Variants in SAMD12 observed in about 807,000 individuals in gnomAD.
SAMD12 encodes sterile alpha motif domain containing 12, also known as sterile alpha motif domain-containing protein 12.
In SAMD12, 9 loss-of-function variants were observed where a neutral mutation model predicts 15.0. That is an observed-to-expected ratio of 0.60 (90% confidence interval 0.36 to 1.05). SAMD12 has a LOEUF of 1.05. Ranked by LOEUF, SAMD12 falls within the 50% of genes least tolerant of loss-of-function variation. The pLI, the probability that SAMD12 is intolerant of heterozygous loss-of-function variation, is 0.01. For missense variants in SAMD12, 230 were observed against 234.2 expected (o/e 0.98, Z 0.12); for synonymous variants, 86 against 90.1 (o/e 0.96, Z 0.25).
At chr8:118,499,487 C>T (rs1353466329) in intron 2 of SAMD12, among the ~76,000 whole-genome samples, 2 of 152,232 alleles carry the variant, frequency 1.3e-5, no homozygotes, top group African/African-American at 4.8e-5. Flanking sequence ...ATGTAACCTC[C>T]TCAAGCCAAA....
chr8:118,359,370 T>G (rs536134319), intron 4 of SAMD12, among the ~76,000 whole-genome samples: 1 of 152,086 alleles, frequency 6.6e-6, no homozygotes, highest in Admixed American at 6.5e-5. Context: ...AGCAAATCAA[T>G]TTCTGTTGTT....
chr8:118,331,953 T>C (rs1256926637), intron 4 of SAMD12, among the ~76,000 whole-genome samples: 1 of 152,168 alleles, frequency 6.6e-6, no homozygotes, highest in East Asian at 1.9e-4. Context: ...ATTTTAAACA[T>C]GTATTAATAT....
chr8:118,298,361 C>A (rs1814835068), intron 4 of SAMD12, among the ~76,000 whole-genome samples: 2 of 152,092 alleles, frequency 1.3e-5, no homozygotes, highest in South Asian at 4.1e-4. Flanking sequence ...TGCATACATG[C>A]TCAGAGGCAT....
At chr8:118,445,961 AT>A (rs1159647872) in intron 2 of SAMD12, among the ~76,000 whole-genome samples, 1 of 152,180 alleles carries the variant, frequency 6.6e-6, no homozygotes, top group African/African-American at 2.4e-5. Context: ...AAAAGGCAGT[AT>A]TCTCAATGTG....
At chr8:118,181,389 G>A in the SAMD12 span, among the ~76,000 whole-genome samples, 1 of 152,088 alleles carries the variant, frequency 6.6e-6, no homozygotes, top group Admixed American at 6.5e-5. Flanking sequence ...CCTTCTGAAC[G>A]CTGCTGCCAC....
At chr8:118,179,440 A>G in the SAMD12 span, among the ~76,000 whole-genome samples, 128 of 107,334 alleles carry the variant, frequency 1.2e-3, no homozygotes, top group African/African-American at 4.3e-3. Context: ...TCCGTCTCCG[A>G]AAAAAAAAAA....
At chr8:118,367,618 G>T (rs1818867251) in intron 4 of SAMD12, among the ~76,000 whole-genome samples, 1 of 152,174 alleles carries the variant, frequency 6.6e-6, no homozygotes, top group African/African-American at 2.4e-5. Context: ...ATGCAAAGTG[G>T]TCAATGCATT....
intron 4 of SAMD12, among the ~76,000 whole-genome samples, chr8:118,335,550 C>T (rs747604278): frequency 2.0e-5 from 3 of 152,174 alleles, no homozygotes; most frequent in Non-Finnish European, 4.4e-5. Flanking sequence ...TTTTATCTTG[C>T]TATTCTGAGG....
At chr8:118,421,952 G>A (rs1045978607) in intron 3 of SAMD12, among the ~76,000 whole-genome samples, 1 of 152,170 alleles carries the variant, frequency 6.6e-6, no homozygotes, top group Non-Finnish European at 1.5e-5. Flanking sequence ...CTTTAAAAAA[G>A]TAAAATGGGG....
rs150154638 is a variant in SAMD12, at chr8:118,225,077, T to C, written c.434-27345A>G. Among the ~76,000 whole-genome samples the C allele has an allele frequency of 9.6e-3, 1,456 of 152,286 alleles. 20 individuals are homozygous for C. Among genetic ancestry groups the C allele is most frequent in the African/African-American group, 0.032 (1,341 of 41,570 alleles). On this transcript the variant is annotated intron_variant, in intron 4 of 4. Transcript: ENST00000409003. ...TGTTTATTGAAATGACCAAAAGCTT[T>C]TGTTGCATCCTCTCCTGCCCTATGC...
chr8:118,232,418 G>A (rs1383290237), intron 4 of SAMD12, among the ~76,000 whole-genome samples: 1 of 152,108 alleles, frequency 6.6e-6, no homozygotes, highest in African/African-American at 2.4e-5. Flanking sequence ...AAGAACATGG[G>A]GTATTTGAGG....
At chr8:118,184,706 A>T (rs922067376), downstream of SAMD12, among the ~76,000 whole-genome samples, 1 of 152,104 alleles carries the variant, frequency 6.6e-6, no homozygotes, top group Non-Finnish European at 1.5e-5. Context: ...CATCTTGCCC[A>T]GGCTCATCTT....
At chr8:118,350,821 T>C (rs958236304) in intron 4 of SAMD12, among the ~76,000 whole-genome samples, 4 of 152,238 alleles carry the variant, frequency 2.6e-5, no homozygotes, top group Non-Finnish European at 4.4e-5. Flanking sequence ...CTTTGGTGTA[T>C]AGACCATAGC....
At chr8:118,260,846 C>T (rs1019744545) in intron 4 of SAMD12, among the ~76,000 whole-genome samples, 2 of 152,084 alleles carry the variant, frequency 1.3e-5, no homozygotes, top group Admixed American at 6.6e-5. Context: ...AACAGCTCCC[C>T]GCTGTTATGA....
chr8:118,331,256 C>A (rs7005520), intron 4 of SAMD12, among the ~76,000 whole-genome samples: 36,659 of 151,854 alleles, frequency 0.24, 5,574 homozygotes, highest in African/African-American at 0.43. Context: ...GCAGATGCAC[C>A]AGGGGAAGCA....
intron 1 of SAMD12, among the ~76,000 whole-genome samples, chr8:118,588,831 G>A (rs1827512197): frequency 6.6e-6 from 1 of 152,120 alleles, no homozygotes; most frequent in South Asian, 2.1e-4. Context: ...CCCACTCCCA[G>A]CTAATTTAAA....
intron 2 of SAMD12, among the ~76,000 whole-genome samples, chr8:118,445,182 C>A (rs1282857575): frequency 2.0e-5 from 3 of 152,152 alleles, no homozygotes; most frequent in South Asian, 2.1e-4. Flanking sequence ...CACACATACA[C>A]AACAAACCAT....
At chr8:118,147,996 C>T in the SAMD12 span, among the ~76,000 whole-genome samples, 4 of 149,326 alleles carry the variant, frequency 2.7e-5, no homozygotes, top group Non-Finnish European at 4.4e-5. Flanking sequence ...GGTGTGATTT[C>T]GTCTCACTGC....
intron 1 of SAMD12, among the ~76,000 whole-genome samples, chr8:118,618,361 T>A (rs914577610): frequency 6.6e-6 from 1 of 152,212 alleles, no homozygotes; most frequent in African/African-American, 2.4e-5. Flanking sequence ...AAGTTACACA[T>A]AGTAAAAAAC....
Sources: allele counts gnomAD v4.1 joint callset (sites outside exome capture counted in the v4.1 genomes callset), GRCh38; gene constraint gnomAD v4.1.1; transcripts MANE v1.5; gene names NCBI Gene and HGNC (gene_info 2026-07-23, HGNC 2026-07-21).